Variants in ME3 observed in about 807,000 individuals in gnomAD.
The protein encoded by ME3 is NADP-dependent malic enzyme, mitochondrial.
A neutral mutation model predicts 68.9 loss-of-function variants in ME3; 48 were observed. The observed-to-expected ratio is 0.70, with a 90% confidence interval of 0.55 to 0.89. The LOEUF (loss-of-function observed/expected upper bound fraction) is 0.89. Ranked by LOEUF, ME3 falls within the 40% of genes least tolerant of loss-of-function variation. ME3 has a pLI of 0.00. For synonymous variants in ME3, 320 were observed against 318.8 expected, an observed-to-expected ratio of 1.00 and a Z score of -0.04; for missense variants, 675 against 797.4, an observed-to-expected ratio of 0.85 and a Z score of 1.85.
exon 3 of ME3, chr11:86,559,720 T>C: frequency 6.2e-7 from 1 of 1,613,890 alleles, no homozygotes; most frequent in Non-Finnish European, 8.5e-7. Flanking sequence ...CCGCTCGTAA[T>C]ATCTCATGAT....
intron 4 of ME3, among the ~76,000 whole-genome samples, chr11:86,541,598 T>G (rs1161274393): frequency 6.6e-6 from 1 of 152,164 alleles, no homozygotes; most frequent in Non-Finnish European, 1.5e-5. Flanking sequence ...CCTCTCTAGA[T>G]TCCTCCTCTC....
rs184447315 is a variant in ME3, at chr11:86,546,834, A to G, written c.467+9719T>C. ...TTACTGGGTATATACCCAAAGGATT[A>G]TAAATCATTCCACTATAAAGACACA... On this transcript the variant is annotated intron_variant, in intron 4 of 14. Transcript: ENST00000543262. 4.6e-5 allele frequency among the ~76,000 whole-genome samples: 7 copies of G among 152,350 alleles called. No homozygotes were observed. In the East Asian group the frequency reaches 1.3e-3, roughly 29 times the overall value.
chr11:86,487,311 C>A, intron 7 of ME3, 26 bp downstream of exon 7: 1 of 1,594,542 alleles, frequency 6.3e-7, no homozygotes, highest in Non-Finnish European at 8.6e-7. Flanking sequence ...AGTCCTCTTT[C>A]AAAAGGGACA....
intron 4 of ME3, among the ~76,000 whole-genome samples, chr11:86,529,927 C>T (rs4944588): frequency 0.2 from 30,060 of 152,030 alleles, 3,211 homozygotes; most frequent in East Asian, 0.32. Flanking sequence ...TGGAAGCATT[C>T]CCTTTGAAAA....
chr11:86,592,239 G>A (rs113364230), intron 2 of ME3, among the ~76,000 whole-genome samples: 2 of 152,176 alleles, frequency 1.3e-5, no homozygotes, highest in Non-Finnish European at 2.9e-5. Flanking sequence ...ATGTCCCTGG[G>A]TTATAACATC....
intron 2 of ME3, among the ~76,000 whole-genome samples, chr11:86,665,392 G>A (rs1422969651): frequency 1.3e-5 from 2 of 152,266 alleles, no homozygotes; most frequent in East Asian, 3.9e-4. Flanking sequence ...AAAAGGGAGG[G>A]AGTTAACTAT....
chr11:86,559,857 A>T, intron 2 of ME3, 34 bp from the exon 3 acceptor site: 1 of 1,608,808 alleles, frequency 6.2e-7, no homozygotes, highest in Non-Finnish European at 8.5e-7. Flanking sequence ...CCCACACATA[A>T]GTGCATACTC....
At chr11:86,603,922 A>C (rs1267327866) in intron 2 of ME3, among the ~76,000 whole-genome samples, 3 of 125,496 alleles carry the variant, frequency 2.4e-5, no homozygotes, top group African/African-American at 9.0e-5. Flanking sequence ...AGGAAGGGGA[A>C]AATCACACTC....
intron 4 of ME3, 56 bp from the exon 5 acceptor site, chr11:86,508,923 G>A (rs1953293436): frequency 7.1e-7 from 1 of 1,406,876 alleles, no homozygotes; most frequent in African/African-American, 1.4e-5. Flanking sequence ...ATTAGGAACT[G>A]AGCAAAGTCC....
chr11:86,587,095 T>G (rs1958782447), intron 2 of ME3, among the ~76,000 whole-genome samples: 1 of 152,020 alleles, frequency 6.6e-6, no homozygotes, highest in African/African-American at 2.4e-5. Flanking sequence ...ATGGTAAGGT[T>G]TTGTAAAGGA....
intron 8 of ME3, among the ~76,000 whole-genome samples, chr11:86,455,512 A>G (rs6592297): frequency 0.028 from 4,264 of 152,260 alleles, 203 homozygotes; most frequent in African/African-American, 0.096. Context: ...TTGTTAGTTT[A>G]TGTACAGAAA....
chr11:86,570,051 A>G (rs1957701645), intron 2 of ME3, among the ~76,000 whole-genome samples: 1 of 152,200 alleles, frequency 6.6e-6, no homozygotes, highest in African/African-American at 2.4e-5. Flanking sequence ...GCCCACCTGC[A>G]AACAGGTGTG....
chr11:86,601,868 A>G (rs1273923577), intron 2 of ME3, among the ~76,000 whole-genome samples: 1 of 150,256 alleles, frequency 6.7e-6, no homozygotes, highest in African/African-American at 2.5e-5. Flanking sequence ...GATTATCTCA[A>G]TAGATGCAGA....
intron 2 of ME3, among the ~76,000 whole-genome samples, chr11:86,560,527 A>T (rs1167846468): frequency 1.3e-5 from 2 of 151,966 alleles, no homozygotes; most frequent in South Asian, 2.1e-4. Context: ...TAGAGTTCCC[A>T]TATACCCCCT....
chr11:86,579,680 T>C (rs1385172066), intron 2 of ME3, among the ~76,000 whole-genome samples: 3 of 152,322 alleles, frequency 2.0e-5, no homozygotes, highest in Admixed American at 6.5e-5. Flanking sequence ...CCTCCTCCTT[T>C]AATCTCTATC....
At chr11:86,572,775 A>G (rs1197820708) in intron 2 of ME3, among the ~76,000 whole-genome samples, 1 of 152,202 alleles carries the variant, frequency 6.6e-6, no homozygotes, top group Non-Finnish European at 1.5e-5. Context: ...AATGATTTAT[A>G]TTACTTTGGG....
At chr11:86,670,611 T>C (rs955761391) in intron 2 of ME3, among the ~76,000 whole-genome samples, 1 of 152,186 alleles carries the variant, frequency 6.6e-6, no homozygotes, top group Non-Finnish European at 1.5e-5. Context: ...GAGGTTGATT[T>C]TGATTTTTTT....
chr11:86,455,530 T>A (rs1251286221), intron 8 of ME3, among the ~76,000 whole-genome samples: 3 of 152,200 alleles, frequency 2.0e-5, no homozygotes, highest in Non-Finnish European at 4.4e-5. Flanking sequence ...AAAAGTATGT[T>A]ATCAGTATCA....
chr11:86,578,284 A>G (rs1958231317), intron 2 of ME3, among the ~76,000 whole-genome samples: 1 of 152,132 alleles, frequency 6.6e-6, no homozygotes, highest in African/African-American at 2.4e-5. Context: ...ATAGCAGAGG[A>G]AGGTTACAGG....
Sources: allele counts gnomAD v4.1 joint callset (sites outside exome capture counted in the v4.1 genomes callset), GRCh38; gene constraint gnomAD v4.1.1; transcripts MANE v1.5; gene names NCBI Gene and HGNC (gene_info 2026-07-23, HGNC 2026-07-21).